GPR158: variants seen among roughly 807,000 people sequenced by gnomAD.
GPR158 encodes the protein metabotropic glycine receptor.
A neutral mutation model predicts 78.2 loss-of-function variants in GPR158; 30 were observed. The observed-to-expected ratio is 0.38, with a 90% CI of 0.29 to 0.52. The LOEUF is 0.52. Among genes scored for constraint, GPR158 ranks in the 20% least tolerant of loss-of-function variants. The pLI, the probability that GPR158 is intolerant of heterozygous loss-of-function variation, is 0.83. For synonymous variants in GPR158, 581 were observed against 591.1 expected, an observed-to-expected ratio of 0.98 and a Z score of 0.25; for missense variants, 1,463 against 1,523.5, an observed-to-expected ratio of 0.96 and a Z score of 0.66.
Position 25,598,279 on chromosome 10 carries a change from C to T in GPR158, c.2653C>T (p.Leu885Phe). ...LVCKSASAHN[L>F]SSEKKTGHPR... is the part of the protein sequence containing the mutation. ...GTGCAAGTCAGCAAGCGCTCACAAC[C>T]TCAGCTCAGAGAAGAAAACTGGGCA... is the stretch of plus-strand genomic sequence containing the variant. The change falls in exon 11 of 11, where the codon CTC (leucine) becomes TTC (phenylalanine). Residue 885 changes from leucine to phenylalanine, a missense_variant. Coordinates refer to ENST00000376351, the MANE Select transcript of GPR158 (RefSeq NM_020752.3). 6.2e-7 allele frequency: 1 copy of T among 1,614,048 alleles called. No homozygotes were observed. Among genetic ancestry groups the T allele is most frequent in the South Asian group, 1.1e-5 (1 of 91,068 alleles).
intron 3 of GPR158, among the ~76,000 whole-genome samples, chr10:25,405,823 G>A (rs375946508): frequency 7.9e-5 from 12 of 152,020 alleles, no homozygotes; most frequent in African/African-American, 2.9e-4. Context: ...ACTACTTCTA[G>A]GAAGTAAATT....
chr10:25,434,224 G>A (rs1316734744), intron 4 of GPR158, among the ~76,000 whole-genome samples: 1 of 152,090 alleles, frequency 6.6e-6, no homozygotes, highest in Non-Finnish European at 1.5e-5. Flanking sequence ...TCTGGTGGTA[G>A]CAATACTAAT....
chr10:25,432,689 C>T (rs991134097), intron 4 of GPR158, among the ~76,000 whole-genome samples: 8 of 152,132 alleles, frequency 5.3e-5, no homozygotes, highest in African/African-American at 1.9e-4. Flanking sequence ...ATGTCCTAAG[C>T]ACCAGGCTTG....
chr10:25,372,349 C>A (rs530503558), intron 2 of GPR158, among the ~76,000 whole-genome samples: 235 of 151,810 alleles, frequency 1.5e-3, no homozygotes, highest in Non-Finnish European at 2.9e-3. Flanking sequence ...CCAGCCATCC[C>A]ATTACTGGGT....
intron 5 of GPR158, among the ~76,000 whole-genome samples, chr10:25,511,910 G>A (rs892398507): frequency 9.9e-5 from 15 of 152,128 alleles, no homozygotes; most frequent in Non-Finnish European, 1.9e-4. Flanking sequence ...TTTTATGCCA[G>A]TACCATGTTG....
At chr10:25,509,268 T>C (rs1293262493) in intron 5 of GPR158, among the ~76,000 whole-genome samples, 1 of 152,210 alleles carries the variant, frequency 6.6e-6, no homozygotes, top group Non-Finnish European at 1.5e-5. Flanking sequence ...AATCCACCTC[T>C]GGGGCAATAT....
At chr10:25,547,585 C>T (rs1391933449) in intron 5 of GPR158, among the ~76,000 whole-genome samples, 1 of 152,218 alleles carries the variant, frequency 6.6e-6, no homozygotes, top group East Asian at 1.9e-4. Context: ...AGTAATTTCC[C>T]TTTCCTCTGA....
intron 2 of GPR158, among the ~76,000 whole-genome samples, chr10:25,388,360 ACCACCC>A (rs1834249756): frequency 6.6e-6 from 1 of 152,062 alleles, no homozygotes; most frequent in South Asian, 2.1e-4. Flanking sequence ...AGTCAACCAC[ACCACCC>A]CCACCCTTGC....
chr10:25,231,027 C>A (rs1356865064), intron 2 of GPR158, among the ~76,000 whole-genome samples: 1 of 152,126 alleles, frequency 6.6e-6, no homozygotes, highest in Non-Finnish European at 1.5e-5. Context: ...TGTTTCCATC[C>A]GAAAGAATAC....
At chr10:25,177,986 A>G (rs545357752) in intron 1 of GPR158, among the ~76,000 whole-genome samples, 66 of 152,250 alleles carry the variant, frequency 4.3e-4, no homozygotes, top group African/African-American at 1.5e-3. Context: ...AGACCAGCAG[A>G]TGCTATTCAC....
intron 2 of GPR158, among the ~76,000 whole-genome samples, chr10:25,319,437 T>G (rs1334432263): frequency 6.6e-6 from 1 of 152,184 alleles, no homozygotes; most frequent in Non-Finnish European, 1.5e-5. Flanking sequence ...TAATGGGTAT[T>G]CCATAGGATT....
At chr10:25,426,703 T>C (rs185417327) in intron 4 of GPR158, among the ~76,000 whole-genome samples, 22 of 152,178 alleles carry the variant, frequency 1.4e-4, no homozygotes, top group African/African-American at 4.8e-4. Context: ...AGATGTGTGA[T>C]CACCAATCAC....
intron 6 of GPR158, among the ~76,000 whole-genome samples, chr10:25,568,932 AT>A (rs1315256302): frequency 1.3e-5 from 2 of 152,132 alleles, no homozygotes; most frequent in South Asian, 4.1e-4. Flanking sequence ...AATGATTTGA[AT>A]TTTTTTCTAC....
chr10:25,520,961 A>G (rs909984520), intron 5 of GPR158, among the ~76,000 whole-genome samples: 3 of 152,040 alleles, frequency 2.0e-5, no homozygotes, highest in African/African-American at 7.2e-5. Flanking sequence ...CCCCTCCCCC[A>G]GCCTCGCTGG....
intron 2 of GPR158, among the ~76,000 whole-genome samples, chr10:25,343,598 T>G (rs2130509308): frequency 6.6e-6 from 1 of 152,150 alleles, no homozygotes; most frequent in Admixed American, 6.6e-5. Context: ...GTTTTTAAAC[T>G]TTAGGGCACA....
rs374661512 is a variant in GPR158, at chr10:25,187,245, G to A, written c.902+10923G>A. On this transcript the variant is annotated intron_variant, in intron 1 of 10. Transcript: ENST00000376351. ...CTCCCAAAGTGCTGGGATTACAGGC[G>A]TTAGCCACCGCGTCCGGCCCTCCCT... Among the ~76,000 whole-genome samples, 215 of 151,146 alleles carry A rather than the reference G, an allele frequency of 1.4e-3. 2 individuals are homozygous for A. The South Asian group carries it at 0.028, about 20-fold the overall frequency.
At chr10:25,512,962 T>G (rs1289616145) in intron 5 of GPR158, among the ~76,000 whole-genome samples, 3 of 152,174 alleles carry the variant, frequency 2.0e-5, no homozygotes, top group Admixed American at 2.0e-4. Context: ...TTTGCATCTG[T>G]GTTCATCAGG....
chr10:25,469,050 T>G (rs1835459780), intron 5 of GPR158, among the ~76,000 whole-genome samples: 1 of 152,138 alleles, frequency 6.6e-6, no homozygotes, highest in African/African-American at 2.4e-5. Flanking sequence ...CATCAGATTC[T>G]TTTTGGTTTT....
chr10:25,353,057 T>C (rs143019549), intron 2 of GPR158, among the ~76,000 whole-genome samples: 7 of 152,166 alleles, frequency 4.6e-5, no homozygotes, highest in Admixed American at 2.0e-4. Context: ...TATTACAGTA[T>C]TGCCGTGATA....
Sources: gnomAD v4.1 joint callset for allele counts (sites outside exome capture counted in the v4.1 genomes callset) on GRCh38, gnomAD v4.1.1 for gene constraint, MANE v1.5 for transcripts, NCBI Gene and HGNC (gene_info 2026-07-23, HGNC 2026-07-21) for gene names.